SOX5: variants seen among roughly 807,000 people sequenced by gnomAD.
SOX5 encodes the protein SRY-box transcription factor 5, also known as transcription factor SOX-5.
Under a neutral mutation model 92.0 loss-of-function variants are expected in SOX5, and 9 were observed. The observed-to-expected ratio is 0.10, with a 90% CI of 0.06 to 0.17. The LOEUF (loss-of-function observed/expected upper bound fraction) is 0.17, where lower values mean the gene tolerates loss of function less well. Among genes scored for constraint, SOX5 ranks in the 10% least tolerant of loss-of-function variants. The pLI is 1.00. For synonymous variants in SOX5, 344 were observed against 336.3 expected (o/e 1.02, Z -0.25); for missense variants, 642 against 944.5 (o/e 0.68, Z 4.20).
intron 7 of SOX5, among the ~76,000 whole-genome samples, chr12:23,652,709 C>T (rs1332860869): frequency 6.6e-6 from 1 of 151,932 alleles, no homozygotes; most frequent in Non-Finnish European, 1.5e-5. Flanking sequence ...CCCTTTCACC[C>T]TCCACGGCCA....
chr12:24,083,252 A>G (rs1943580055), intron 4 of SOX5, among the ~76,000 whole-genome samples: 1 of 152,064 alleles, frequency 6.6e-6, no homozygotes, highest in Non-Finnish European at 1.5e-5. Flanking sequence ...CCTTCCCTGA[A>G]CACATGAAAA....
intron 4 of SOX5, among the ~76,000 whole-genome samples, chr12:24,162,321 T>C (rs922264621): frequency 9.9e-5 from 15 of 152,114 alleles, no homozygotes; most frequent in African/African-American, 3.6e-4. Context: ...CTAGTGCATA[T>C]TATTTAAGTA....
At chr12:23,917,495 G>C (rs982709172) in intron 1 of SOX5, among the ~76,000 whole-genome samples, 4 of 152,132 alleles carry the variant, frequency 2.6e-5, no homozygotes, top group Non-Finnish European at 5.9e-5. Context: ...AGAGGTTGCA[G>C]CAAGCTAAGA....
chr12:23,690,832 C>T (rs978243612), intron 6 of SOX5, among the ~76,000 whole-genome samples: 1 of 152,168 alleles, frequency 6.6e-6, no homozygotes, highest in Non-Finnish European at 1.5e-5. Flanking sequence ...ACTGTACCTG[C>T]AATTTACCTT....
intron 4 of SOX5, among the ~76,000 whole-genome samples, chr12:24,150,706 G>C (rs1178457158): frequency 6.6e-6 from 1 of 152,024 alleles, no homozygotes; most frequent in Non-Finnish European, 1.5e-5. Flanking sequence ...AAAGCCAATA[G>C]AGGTAAAAAT....
At chr12:24,497,395 G>A (rs4131685) in intron 1 of SOX5, among the ~76,000 whole-genome samples, 41,748 of 152,122 alleles carry the variant, frequency 0.27, 6,852 homozygotes, top group East Asian at 0.71. Context: ...GTCAAGGATG[G>A]ATTTTAGAGC....
chr12:24,159,644 T>C (rs1252319394), intron 4 of SOX5, among the ~76,000 whole-genome samples: 1 of 152,044 alleles, frequency 6.6e-6, no homozygotes, highest in Non-Finnish European at 1.5e-5. Flanking sequence ...AGCCTAATTT[T>C]AGAAGATAGC....
At chr12:23,602,987 ACTCCTACTGT>A (rs2074705884) in intron 9 of SOX5, among the ~76,000 whole-genome samples, 1 of 152,058 alleles carries the variant, frequency 6.6e-6, no homozygotes, top group Non-Finnish European at 1.5e-5. Flanking sequence ...GCATATGTAT[ACTCCTACTGT>A]CAATGTAGTG....
chr12:24,316,696 C>G (rs781594277), intron 2 of SOX5, among the ~76,000 whole-genome samples: 1 of 152,034 alleles, frequency 6.6e-6, no homozygotes, highest in African/African-American at 2.4e-5. Context: ...TTCCACATGT[C>G]GTTTCAAAAT....
chr12:24,150,306 A>C (rs554105363), intron 4 of SOX5, among the ~76,000 whole-genome samples: 5 of 152,312 alleles, frequency 3.3e-5, no homozygotes, highest in Middle Eastern at 3.4e-3. Flanking sequence ...AAGGTGCTAA[A>C]TAAATACTTT....
At chr12:24,251,299 G>A (rs912973584) in intron 3 of SOX5, among the ~76,000 whole-genome samples, 2 of 152,150 alleles carry the variant, frequency 1.3e-5, no homozygotes, top group African/African-American at 4.8e-5. Context: ...CCAAAAGTAT[G>A]TTAAGGTTGA....
chr12:23,632,901 G>A (rs2078735583), intron 8 of SOX5, among the ~76,000 whole-genome samples: 4 of 151,874 alleles, frequency 2.6e-5, no homozygotes, highest in Admixed American at 2.0e-4. Flanking sequence ...ATGACAACTT[G>A]GAATTTTGAG....
chr12:24,388,568 C>A (rs1297089635), intron 1 of SOX5, among the ~76,000 whole-genome samples: 1 of 152,102 alleles, frequency 6.6e-6, no homozygotes, highest in Non-Finnish European at 1.5e-5. Flanking sequence ...AGTAGGGTAC[C>A]AATCCTCATT....
At chr12:24,054,304 A>G (rs988988770) in intron 4 of SOX5, among the ~76,000 whole-genome samples, 1 of 152,306 alleles carries the variant, frequency 6.6e-6, no homozygotes, top group African/African-American at 2.4e-5. Context: ...CAAAGAACCT[A>G]CATCTTCCTC....
intron 1 of SOX5, among the ~76,000 whole-genome samples, chr12:24,496,485 A>C (rs1197564095): frequency 6.6e-5 from 10 of 152,300 alleles, no homozygotes; most frequent in African/African-American, 2.4e-4. Flanking sequence ...TGAAAATTCC[A>C]GGTATTTTGA....
intron 11 of SOX5, among the ~76,000 whole-genome samples, chr12:23,555,332 A>T (rs12815511): frequency 0.22 from 33,242 of 151,960 alleles, 4,142 homozygotes; most frequent in Non-Finnish European, 0.28. Flanking sequence ...TCTCTCTGAA[A>T]GCCCAATTTG....
At chr12:24,331,625 A>G (rs1951309633) in intron 2 of SOX5, among the ~76,000 whole-genome samples, 1 of 152,024 alleles carries the variant, frequency 6.6e-6, no homozygotes, top group South Asian at 2.1e-4. Flanking sequence ...CAAGGTGGGC[A>G]GATCACGAGG....
Position 24,235,089 on chromosome 12 carries a change from A to G in SOX5, c.-76-21672T>C, listed in dbSNP as rs1276369567. On this transcript the variant is annotated intron_variant, in intron 3 of 4. Transcript: ENST00000446891. ...TGTTTTGTTTGTTTTGCTTTTTAAA[A>G]TCTCCTCTGTACTGTCTCACACTAA... Among the ~76,000 whole-genome samples the G allele has an allele frequency of 2.0e-5, 3 of 152,044 alleles. No homozygotes were observed. In the East Asian group the frequency reaches 5.8e-4, roughly 29 times the overall value.
chr12:23,915,241 T>A (rs949944626), intron 1 of SOX5, among the ~76,000 whole-genome samples: 2 of 152,164 alleles, frequency 1.3e-5, no homozygotes, highest in African/African-American at 4.8e-5. Context: ...TATCTATTAT[T>A]ATTGCTGTTG....
Sources: gnomAD v4.1 joint callset for allele counts (sites outside exome capture counted in the v4.1 genomes callset) on GRCh38, gnomAD v4.1.1 for gene constraint, MANE v1.5 for transcripts, NCBI Gene and HGNC (gene_info 2026-07-23, HGNC 2026-07-21) for gene names.